Variants in OSBPL11 observed in about 807,000 individuals in gnomAD.
OSBPL11 encodes the protein oxysterol-binding protein-related protein 11.
OSBPL11 carries 33 observed loss-of-function variants against 84.4 expected under a neutral mutation model. The ratio of observed to expected loss-of-function variants is 0.39; its 90% CI spans 0.30 to 0.52. OSBPL11 has a LOEUF of 0.52. Among genes scored for constraint, OSBPL11 ranks in the 20% least tolerant of loss-of-function variants. The probability of loss-of-function intolerance (pLI) is 0.72; values close to 1 mark genes in which losing one functional copy is unlikely to be tolerated. For missense variants in OSBPL11, 736 were observed against 901.1 expected, an observed-to-expected ratio of 0.82 and a Z score of 2.35; for synonymous variants, 276 against 310.2, an observed-to-expected ratio of 0.89 and a Z score of 1.16.
At chr3:125,542,942 G>A (rs764337098) in intron 10 of OSBPL11, among the ~76,000 whole-genome samples, 12 of 152,106 alleles carry the variant, frequency 7.9e-5, no homozygotes, top group Non-Finnish European at 1.5e-4. Context: ...ACTGTGCCCA[G>A]CGAAAGTGAT....
intron 8 of OSBPL11, among the ~76,000 whole-genome samples, chr3:125,559,946 AT>A (rs1327170916): frequency 6.6e-6 from 1 of 151,878 alleles, no homozygotes; most frequent in Non-Finnish European, 1.5e-5. Context: ...AAAAAAAATC[AT>A]AAAAAATAAA....
At chr3:125,585,535 T>TG (rs1936494085) in intron 1 of OSBPL11, among the ~76,000 whole-genome samples, 1 of 95,992 alleles carries the variant, frequency 1.0e-5, no homozygotes, top group African/African-American at 7.2e-5. Context: ...GTTAGCTTTC[T>TG]GAAAAAAAAA....
At chr3:125,556,787 A>G (rs1291289917) in intron 8 of OSBPL11, among the ~76,000 whole-genome samples, 1 of 152,212 alleles carries the variant, frequency 6.6e-6, no homozygotes, top group Non-Finnish European at 1.5e-5. Flanking sequence ...AAACTATAGC[A>G]AAAAGTAGAG....
intron 1 of OSBPL11, among the ~76,000 whole-genome samples, chr3:125,589,152 C>A (rs1349319926): frequency 5.3e-5 from 8 of 152,062 alleles, no homozygotes; most frequent in Non-Finnish European, 8.8e-5. Context: ...AGTTCGAAAT[C>A]AGCCTGGCCA....
At chr3:125,530,984 C>T (rs1935546385) in intron 12 of OSBPL11, among the ~76,000 whole-genome samples, 1 of 148,038 alleles carries the variant, frequency 6.8e-6, no homozygotes, top group South Asian at 2.1e-4. Flanking sequence ...TTTTTCTTTC[C>T]TTTTTTTTTT....
chr3:125,538,474 C>T lies in OSBPL11; in HGVS notation c.2001G>A (p.Glu667=). 6.2e-7 allele frequency: 1 copy of T among 1,613,844 alleles called. No individual in the cohort carries two copies. The highest frequency in any genetic ancestry group is 8.5e-7 in the Non-Finnish European group (1 of 1,179,830). ...AVTKKRVRPL[E]KQDPFESRRL... ...ACCTGGATTCAAATGGATCCTGCTT[C>T]TCCAGAGGTCTCACTCTTTTCTTCG... Residue 667 remains glutamate, a synonymous_variant, in exon 11 of 13, where the codon GAG becomes GAA. Coordinates refer to ENST00000296220, the MANE Select transcript of OSBPL11 (RefSeq NM_022776.5).
intron 8 of OSBPL11, among the ~76,000 whole-genome samples, chr3:125,554,486 G>A (rs1030477308): frequency 2.6e-5 from 4 of 152,110 alleles, no homozygotes; most frequent in African/African-American, 7.2e-5. Context: ...AAACATAGGC[G>A]CCACCTACGT....
Position 125,560,462 on chromosome 3 carries a change from C to T in OSBPL11, c.1072G>A (p.Asp358Asn), listed in dbSNP as rs1380772793. 1.2e-6 allele frequency: 2 copies of T among 1,608,676 alleles called. No individual in the cohort carries two copies. Reference protein sequence around the residue: ...EIEDTCDHKEDDLGAVEEQRS... With the variant: ...EIEDTCDHKENDLGAVEEQRS... The stretch of plus-strand genomic sequence containing the variant: ...TGTTCTTCTACAGCTCCCAGGTCAT[C>T]CTCTTTGTGGTCACATGTATCCTCT... The change falls in exon 8 of 13, where the codon GAT becomes AAT. Residue 358 changes from aspartate (D) to asparagine (N), a missense_variant. Asp to Asn is a conservative substitution (Grantham distance 23). Around this residue, in one of 3 missense-constraint regions of OSBPL11, gnomAD observed 579 missense variants for 717.6 expected, o/e 0.81. Transcript: ENST00000296220.
chr3:125,557,338 G>A (rs569387514), intron 8 of OSBPL11, among the ~76,000 whole-genome samples: 12 of 152,248 alleles, frequency 7.9e-5, no homozygotes, highest in African/African-American at 2.6e-4. Flanking sequence ...TAGATAAGAG[G>A]TAGCTGTGAC....
chr3:125,580,047 T>C lies in OSBPL11; in HGVS notation c.234-7A>G, dbSNP rs758186419. Reference sequence around the variant, plus strand: ...ATTGTTTAAAACAAAAAACCTGTAATGATTTTTTAAAATCCATAATTTGTA... The same window carrying C: ...ATTGTTTAAAACAAAAAACCTGTAACGATTTTTTAAAATCCATAATTTGTA... On this transcript the variant is annotated splice_polypyrimidine_tract_variant and splice_region_variant and intron_variant, in intron 2 of 12. Coordinates refer to ENST00000296220, the MANE Select transcript of OSBPL11 (RefSeq NM_022776.5). The C allele has an allele frequency of 8.8e-6, 14 of 1,598,968 alleles. No individual in the cohort carries two copies. Among genetic ancestry groups the C allele is most frequent in the Non-Finnish European group, 7.7e-6 (9 of 1,174,100 alleles).
chr3:125,595,110 A>C lies in OSBPL11; in HGVS notation c.-310T>G, dbSNP rs1936662531. The stretch of plus-strand genomic sequence containing the variant: ...TAAGTGACATACTCAAAAGAGAAGG[A>C]GTGTGGGGAGGTCGCAGATTCTGTA... On this transcript the variant is annotated 5_prime_UTR_variant, in exon 1 of 13. Coordinates refer to ENST00000296220, the MANE Select transcript of OSBPL11 (RefSeq NM_022776.5). 2 of 228,584 alleles carry C rather than the reference A, an allele frequency of 8.7e-6. No homozygotes were observed. The highest frequency in any genetic ancestry group is 1.0e-4 in the Admixed American group (2 of 19,120). 14.2% of individuals were successfully genotyped at this position (228,584 alleles called of 1,614,324 possible). A position where few individuals can be genotyped will look rare whatever the true frequency, so the allele number is the denominator to read the frequency against.
intron 10 of OSBPL11, among the ~76,000 whole-genome samples, chr3:125,543,832 G>A (rs533421212): frequency 2.6e-5 from 4 of 152,134 alleles, no homozygotes; most frequent in African/African-American, 7.2e-5. Context: ...CCTGGGAGGC[G>A]GAGGTTGCAG....
chr3:125,590,003 AT>A (rs1559849737), intron 1 of OSBPL11, among the ~76,000 whole-genome samples: 1 of 152,218 alleles, frequency 6.6e-6, no homozygotes, highest in Non-Finnish European at 1.5e-5. Flanking sequence ...TCTTCTGCCC[AT>A]TTTAATAAGC....
At chr3:125,580,838 CAG>C (rs1185417272) in intron 2 of OSBPL11, among the ~76,000 whole-genome samples, 1 of 152,102 alleles carries the variant, frequency 6.6e-6, no homozygotes, top group Admixed American at 6.6e-5. Flanking sequence ...ACAAGAATAA[CAG>C]GGTAAAAAAG....
intron 11 of OSBPL11, among the ~76,000 whole-genome samples, chr3:125,535,437 A>ACTTTT (rs1559833754): frequency 7.9e-6 from 1 of 126,876 alleles, no homozygotes; most frequent in Admixed American, 8.4e-5. Flanking sequence ...ATTCAGAAGC[A>ACTTTT]TCTTTTTTTT....
At chr3:125,592,944 C>T (rs908335797) in intron 1 of OSBPL11, among the ~76,000 whole-genome samples, 1 of 152,142 alleles carries the variant, frequency 6.6e-6, no homozygotes, top group African/African-American at 2.4e-5. Context: ...TCATCTTAAA[C>T]TTCACAATGT....
chr3:125,565,818 T>C (rs1376873324), intron 6 of OSBPL11, among the ~76,000 whole-genome samples: 1 of 151,888 alleles, frequency 6.6e-6, no homozygotes, highest in Non-Finnish European at 1.5e-5. Context: ...CCTCTACCTC[T>C]CACTCCTAAA....
chr3:125,544,131 C>A (rs1361693182), intron 10 of OSBPL11, among the ~76,000 whole-genome samples: 4 of 149,430 alleles, frequency 2.7e-5, no homozygotes, highest in Admixed American at 6.7e-5. Context: ...TCTTGGCTCA[C>A]TGCAATCTCT....
intron 4 of OSBPL11, 41 bp downstream of exon 4, chr3:125,578,919 C>T (rs768392421): frequency 3.2e-6 from 4 of 1,250,026 alleles, no homozygotes; most frequent in African/African-American, 1.6e-5. Context: ...AATATTCCTT[C>T]CTCATTTTTG....
Sources: gnomAD v4.1 joint callset for allele counts (sites outside exome capture counted in the v4.1 genomes callset) on GRCh38, gnomAD v4.1.1 for gene constraint, gnomAD v4.1.1 regional missense constraint, MANE v1.5 for transcripts, NCBI Gene and HGNC (gene_info 2026-07-23, HGNC 2026-07-21) for gene names.